Variants in FOXN1 observed in about 807,000 individuals in gnomAD.
FOXN1 encodes forkhead box protein N1.
FOXN1 carries 15 observed loss-of-function variants against 49.0 expected under a neutral mutation model. The ratio of observed to expected loss-of-function variants is 0.31; its 90% CI spans 0.20 to 0.47. FOXN1 has a LOEUF of 0.47. Among genes scored for constraint, FOXN1 ranks in the 20% least tolerant of loss-of-function variants. The pLI is 1.00. For missense variants in FOXN1, 800 were observed against 842.8 expected, an observed-to-expected ratio of 0.95 and a Z score of 0.63; for synonymous variants, 356 against 369.0, an observed-to-expected ratio of 0.96 and a Z score of 0.40.
chr17:28,536,903 G>T (rs1322489879), intron 8 of FOXN1, among the ~76,000 whole-genome samples: 1 of 151,884 alleles, frequency 6.6e-6, no homozygotes, highest in African/African-American at 2.4e-5. Flanking sequence ...CATCTAGATC[G>T]ACGGCTTTCA....
At chr17:28,527,150 G>A (rs2069789385) in intron 3 of FOXN1, 101 bp from the exon 4 acceptor site, 1 of 772,046 alleles carries the variant, frequency 1.3e-6, no homozygotes, top group Admixed American at 2.0e-5. Flanking sequence ...AAGCTTTGGG[G>A]GAAGCAGAAT....
chr17:28,516,845 A>G (rs2069517748), intron 1 of FOXN1, among the ~76,000 whole-genome samples: 1 of 62,850 alleles, frequency 1.6e-5, no homozygotes, highest in Non-Finnish European at 3.8e-5. Context: ...CAGGGTACAC[A>G]CCTCCACAGG....
At chr17:28,531,996 C>G (rs558667910) in intron 6 of FOXN1, among the ~76,000 whole-genome samples, 15 of 152,118 alleles carry the variant, frequency 9.9e-5, no homozygotes, top group Admixed American at 3.3e-4. Context: ...ATTCAAGAAG[C>G]ATCAAAGCCT....
chr17:28,530,707 C>A, intron 5 of FOXN1, 42 bp from the exon 6 acceptor site: 1 of 1,141,290 alleles, frequency 8.8e-7, no homozygotes, highest in Non-Finnish European at 1.3e-6. Context: ...GCTCAGGACC[C>A]AGTCAGAGGT....
In FOXN1 at chr17:28,507,652, G is replaced by T. The variant is rs369051019; in HGVS notation, c.-15+1209G>T. Among the ~76,000 whole-genome samples the T allele has an allele frequency of 2.0e-5, 3 of 152,318 alleles. No individual in the cohort carries two copies. In the East Asian group the frequency reaches 5.8e-4, roughly 29 times the overall value. Reference sequence around the variant, plus strand: ...CTTTACTGCTGCAGGGTCCAGCTCTGCTTGCCCGGTAGCCTTCTTCCTCCC... The same window carrying T: ...CTTTACTGCTGCAGGGTCCAGCTCTTCTTGCCCGGTAGCCTTCTTCCTCCC... On this transcript the variant is annotated intron_variant, in intron 1 of 8. Coordinates refer to ENST00000579795, the MANE Select transcript of FOXN1 (RefSeq NM_001369369.1).
chr17:28,523,074 G>A (rs946264484), intron 1 of FOXN1, among the ~76,000 whole-genome samples: 3 of 152,208 alleles, frequency 2.0e-5, no homozygotes, highest in Non-Finnish European at 2.9e-5. Context: ...CCCCGGCTTT[G>A]AGGCCTGAGT....
chr17:28,537,688 G>A lies in FOXN1; in HGVS notation c.*252G>A. ...CCCCAAAGAGCAAGCGTCTGGGCAAGAGGAAAATGCCCTGTCCCTAGCTCA... is the reference window on the plus strand; with the variant it reads ...CCCCAAAGAGCAAGCGTCTGGGCAAAAGGAAAATGCCCTGTCCCTAGCTCA... On this transcript the variant is annotated 3_prime_UTR_variant, in exon 9 of 9. Transcript: ENST00000579795. The A allele has an allele frequency of 1.7e-6, 1 of 595,092 alleles. No homozygotes were observed. The highest frequency in any genetic ancestry group is 2.8e-5 in the East Asian group (1 of 35,310). The allele number at this position is 595,092 out of a possible 1,614,324, so 36.9% of individuals were successfully genotyped here.
intron 1 of FOXN1, among the ~76,000 whole-genome samples, chr17:28,515,600 C>G (rs2069477837): frequency 6.6e-6 from 1 of 150,802 alleles, no homozygotes; most frequent in African/African-American, 2.4e-5. Context: ...CCTCCACAGG[C>G]TACACATCTC....
At chr17:28,513,264 G>A in intron 1 of FOXN1, among the ~76,000 whole-genome samples, 1 of 152,116 alleles carries the variant, frequency 6.6e-6, no homozygotes, top group African/African-American at 2.4e-5. Flanking sequence ...GTGAGACTTT[G>A]TCTCAAACAA....
chr17:28,522,435 T>A (rs1255558773), intron 1 of FOXN1, among the ~76,000 whole-genome samples: 1 of 152,152 alleles, frequency 6.6e-6, no homozygotes, highest in African/African-American at 2.4e-5. Context: ...TCATCTGAGG[T>A]CAGGAGTTGG....
chr17:28,526,546 G>A (rs570111284), intron 3 of FOXN1, among the ~76,000 whole-genome samples: 1 of 152,358 alleles, frequency 6.6e-6, no homozygotes, highest in South Asian at 2.1e-4. Context: ...GGAAGGCGGA[G>A]TCTGGCCATC....
intron 1 of FOXN1, among the ~76,000 whole-genome samples, chr17:28,517,551 C>T (rs901936343): frequency 7.3e-5 from 11 of 150,516 alleles, no homozygotes; most frequent in African/African-American, 2.7e-4. Flanking sequence ...TACATGCCTG[C>T]ACAGGGTACA....
Position 28,537,713 on chromosome 17 carries a change from A to G in FOXN1, c.*277A>G. On this transcript the variant is annotated 3_prime_UTR_variant, in exon 9 of 9. Transcript: ENST00000579795. ...GAGGAAAATGCCCTGTCCCTAGCTC[A>G]CACTCATCCACACTTAAGCCCTCGT... The G allele has an allele frequency of 1.8e-6, 1 of 561,990 alleles. No individual in the cohort carries two copies. The highest frequency in any genetic ancestry group is 3.2e-6 in the Non-Finnish European group (1 of 311,242). The allele number at this position is 561,990 out of a possible 1,614,324, so 34.8% of individuals were successfully genotyped here. A position where few individuals can be genotyped will look rare whatever the true frequency, so the allele number is the denominator to read the frequency against.
At chr17:28,526,563 A>G (rs1042684637) in intron 3 of FOXN1, among the ~76,000 whole-genome samples, 1 of 152,218 alleles carries the variant, frequency 6.6e-6, no homozygotes, top group East Asian at 1.9e-4. Flanking sequence ...CATCATGGCT[A>G]GCAGCAGCTG....
At position 28,534,972 on chromosome 17, in the gene FOXN1, C is replaced by T. The variant is rs1597568045; in HGVS notation, c.1401C>T (p.Pro467=). 9 of 1,613,968 alleles carry T rather than the reference C, an allele frequency of 5.6e-6. No individual in the cohort carries two copies. The highest frequency in any genetic ancestry group is 1.3e-5 in the African/African-American group (1 of 74,936). The change falls in exon 8 of 9, where the codon CCC becomes CCT. Residue 467 remains proline (P), a synonymous_variant. Coordinates refer to ENST00000579795, the MANE Select transcript of FOXN1 (RefSeq NM_001369369.1). The surrounding 1 kb of genome is among the most constrained non-coding windows in gnomAD (Gnocchi z 4.1). ...CACCAGGCCTGGCCCCTCCTGGACC[C>T]CCGCAGCCATTGTTCCCACAGCCGG... ...HLSPGLAPPG[P]PQPLFPQPDG...
intron 1 of FOXN1, among the ~76,000 whole-genome samples, chr17:28,506,704 T>A (rs1555606167): frequency 6.6e-6 from 1 of 152,216 alleles, no homozygotes. Context: ...TTCTGGTGTG[T>A]GCTGGATTTT....
At chr17:28,520,702 G>A (rs1433645774) in intron 1 of FOXN1, among the ~76,000 whole-genome samples, 4 of 152,226 alleles carry the variant, frequency 2.6e-5, no homozygotes, top group Non-Finnish European at 5.9e-5. Context: ...TGGAGATGAT[G>A]TTCTGGAGAA....
At position 28,530,022 on chromosome 17, in the gene FOXN1, A is replaced by AG. The variant is rs1471088258; in HGVS notation, c.831-727_831-726insG. 5.3e-5 allele frequency among the ~76,000 whole-genome samples: 8 copies of AG among 152,044 alleles called. No homozygotes were observed. In the East Asian group the frequency reaches 1.5e-3, roughly 29 times the overall value. ...CTCTATTTATTCCTCTTTAAAAAAA[A>AG]AAAAAAATGTCAGGGGTTGGGGGCA... is the stretch of plus-strand genomic sequence containing the variant. On this transcript the variant is annotated intron_variant, in intron 5 of 8. Coordinates refer to ENST00000579795, the MANE Select transcript of FOXN1 (RefSeq NM_001369369.1).
At chr17:28,535,748 C>T (rs927294830) in intron 8 of FOXN1, among the ~76,000 whole-genome samples, 29 of 152,220 alleles carry the variant, frequency 1.9e-4, no homozygotes, top group African/African-American at 7.0e-4. Flanking sequence ...GCCTCAAAAA[C>T]AAACAAACAA....
Sources: allele counts gnomAD v4.1 joint callset (sites outside exome capture counted in the v4.1 genomes callset), GRCh38; gene constraint gnomAD v4.1.1; non-coding constraint Gnocchi (gnomAD v3.1); transcripts MANE v1.5; gene names NCBI Gene and HGNC (gene_info 2026-07-23, HGNC 2026-07-21).